The following AKAP13 variants were observed in gnomAD, a reference collection of about 807,000 sequenced individuals.
AKAP13 encodes the protein A-kinase anchoring protein 13.
A neutral mutation model predicts 264.5 loss-of-function variants in AKAP13; 80 were observed. The ratio of observed to expected loss-of-function variants is 0.30; its 90% CI spans 0.25 to 0.36. The LOEUF (loss-of-function observed/expected upper bound fraction) is 0.36. Among genes scored for constraint, AKAP13 ranks in the 10% least tolerant of loss-of-function variants. AKAP13 has a pLI of 1.00. For missense variants in AKAP13, 3,712 were observed against 3,435.2 expected, an observed-to-expected ratio of 1.08 and a Z score of -2.01; for synonymous variants, 1,380 against 1,250.2, an observed-to-expected ratio of 1.10 and a Z score of -2.19.
At chr15:85,733,478 T>C (rs1317198653) in intron 30 of AKAP13, among the ~76,000 whole-genome samples, 1 of 152,242 alleles carries the variant, frequency 6.6e-6, no homozygotes, top group Non-Finnish European at 1.5e-5. Context: ...CACAGTGTTC[T>C]GTTTTCATAT....
intron 10 of AKAP13, among the ~76,000 whole-genome samples, chr15:85,653,527 A>G (rs116368765): frequency 0.013 from 1,982 of 152,342 alleles, 45 homozygotes; most frequent in African/African-American, 0.045. Context: ...CCCAAAAGGT[A>G]GGAAGGGTGC....
chr15:85,720,890 G>T (rs1404358765), intron 23 of AKAP13, among the ~76,000 whole-genome samples: 1 of 152,204 alleles, frequency 6.6e-6, no homozygotes, highest in Non-Finnish European at 1.5e-5. Context: ...GAACTCCTAG[G>T]AGTAAAAGTA....
At chr15:85,710,260 C>G (rs867872919) in intron 18 of AKAP13, among the ~76,000 whole-genome samples, 1 of 152,196 alleles carries the variant, frequency 6.6e-6, no homozygotes, top group Middle Eastern at 3.4e-3. Context: ...CCAGTCACTG[C>G]CTTGGGTGAG....
In AKAP13 at chr15:85,641,473, TAAATAAATAAATA is replaced by T. The variant is rs1376786407; in HGVS notation, c.4237+2027_4237+2039del. On this transcript the variant is annotated intron_variant, in intron 9 of 36. Transcript: ENST00000394518. ...ATAAATAAATAAATAAATAAATAAA[TAAATAAATAAATA>T]AATAAATAAATAAATAAATAACGGA... Among the ~76,000 whole-genome samples the T allele has an allele frequency of 1.3e-4, 18 of 135,448 alleles. 1 individual carries two copies. The highest frequency in any genetic ancestry group is 4.4e-4 in the African/African-American group (16 of 36,424). 88.9% of individuals were successfully genotyped at this position (135,448 alleles called of 152,430 possible).
chr15:85,405,852 C>T (rs2071636560), intron 1 of AKAP13, among the ~76,000 whole-genome samples: 1 of 152,028 alleles, frequency 6.6e-6, no homozygotes, highest in Admixed American at 6.6e-5. Flanking sequence ...TCACCCCCCA[C>T]CCTCTTTTTT....
chr15:85,649,093 T>C (rs181887579), intron 10 of AKAP13, among the ~76,000 whole-genome samples: 5 of 152,328 alleles, frequency 3.3e-5, no homozygotes, highest in East Asian at 1.9e-4. Flanking sequence ...GAGACTAATA[T>C]TGACAGGATA....
chr15:85,473,802 C>G (rs570517046), intron 1 of AKAP13, among the ~76,000 whole-genome samples: 1 of 152,190 alleles, frequency 6.6e-6, no homozygotes, highest in East Asian at 1.9e-4. Context: ...AATAACCACT[C>G]GCCTGAGAGG....
At chr15:85,479,769 T>G (rs2075294075) in intron 1 of AKAP13, among the ~76,000 whole-genome samples, 1 of 152,164 alleles carries the variant, frequency 6.6e-6, no homozygotes, top group Non-Finnish European at 1.5e-5. Flanking sequence ...ACCCCCCTTT[T>G]TAGGGACATG....
rs1160050565 is a variant in AKAP13 at position 85,458,386 on chromosome 15, G to GTTTTTTTT, written c.-11-27318_-11-27317insTTTTTTTT. On this transcript the variant is annotated intron_variant, in intron 1 of 36. Coordinates refer to ENST00000394518, the MANE Select transcript of AKAP13 (RefSeq NM_007200.5). ...TTTTTTCTCTTTTTTTGTATTTTTTGTTTTTTGTTTTTTTTTTTTTTTACT... is the reference window on the plus strand; with the variant it reads ...TTTTTTCTCTTTTTTTGTATTTTTTGTTTTTTTTTTTTTTGTTTTTTTTTTTTTTTACT... 1.5e-4 allele frequency among the ~76,000 whole-genome samples: 16 copies of GTTTTTTTT among 103,890 alleles called. 1 individual carries two copies. Among genetic ancestry groups the GTTTTTTTT allele is most frequent in the African/African-American group, 6.6e-4 (13 of 19,558 alleles). The allele number at this position is 103,890 out of a possible 152,430, so 68.2% of individuals were successfully genotyped here.
intron 9 of AKAP13, among the ~76,000 whole-genome samples, chr15:85,644,929 A>G (rs553412853): frequency 2.0e-5 from 3 of 152,316 alleles, no homozygotes; most frequent in East Asian, 1.9e-4. Context: ...TTACAAAGTT[A>G]ATAGCCTGGG....
At chr15:85,685,118 C>A in intron 16 of AKAP13, 1 of 373,010 alleles carries the variant, frequency 2.7e-6, no homozygotes, top group Non-Finnish European at 4.8e-6. Context: ...CTTTCAACAA[C>A]CCTGTCAGGT....
intron 30 of AKAP13, among the ~76,000 whole-genome samples, chr15:85,732,434 A>G (rs1253605338): frequency 1.4e-5 from 2 of 140,854 alleles, no homozygotes; most frequent in Admixed American, 7.7e-5. Context: ...ACATATATAT[A>G]ACATTATATA....
intron 1 of AKAP13, among the ~76,000 whole-genome samples, chr15:85,442,310 T>C (rs1257115790): frequency 6.8e-6 from 1 of 147,482 alleles, no homozygotes; most frequent in Non-Finnish European, 1.5e-5. Context: ...CTCAGGAGGC[T>C]GAGGCAGGAG....
chr15:85,585,857 A>C (rs368041620), intron 8 of AKAP13, 34 bp downstream of exon 8: 268 of 1,609,882 alleles, frequency 1.7e-4, no homozygotes, highest in Non-Finnish European at 2.1e-4. Context: ...AAGGGCACAA[A>C]ATGTGTTTAT....
chr15:85,484,151 A>G (rs1410685949), intron 1 of AKAP13, among the ~76,000 whole-genome samples: 1 of 152,218 alleles, frequency 6.6e-6, no homozygotes, highest in Non-Finnish European at 1.5e-5. Context: ...TTAAAAGGCC[A>G]GTGAGCACAG....
At chr15:85,619,826 T>A in intron 8 of AKAP13, 1 of 786,432 alleles carries the variant, frequency 1.3e-6, no homozygotes, top group Non-Finnish European at 1.6e-6. Context: ...ATTTATTGTT[T>A]ATATTATGAG....
At chr15:85,715,596 G>T (rs918526783) in intron 19 of AKAP13, among the ~76,000 whole-genome samples, 192 bp from the exon 20 acceptor site, 4 of 151,120 alleles carry the variant, frequency 2.6e-5, no homozygotes, top group African/African-American at 9.7e-5. Context: ...TGTCAGATGG[G>T]TCAGTACCAG....
In AKAP13 at chr15:85,575,266, A is replaced by G. The variant is rs1415799676; in HGVS notation, c.798A>G (p.Pro266=). ...AGTCTGATTCACATCATGAACACCC[A>G]TTTCCTGGAGACGGTTGCACTGGAC... ...TSESDSHHEH[P]FPGDGCTGPI... Residue 266 remains proline (P), a synonymous_variant, in exon 6 of 37, where the codon CCA becomes CCG. Coordinates refer to ENST00000394518, the MANE Select transcript of AKAP13 (RefSeq NM_007200.5). The G allele has an allele frequency of 3.7e-6, 6 of 1,614,036 alleles. No homozygotes were observed. The highest frequency in any genetic ancestry group is 2.7e-5 in the African/African-American group (2 of 74,906).
intron 36 of AKAP13, chr15:85,744,071 C>T (rs940188811): frequency 4.3e-5 from 22 of 505,962 alleles, no homozygotes; most frequent in East Asian, 1.3e-4. Context: ...ATTATCCGAT[C>T]GAGGAACTGG....
Sources: allele counts gnomAD v4.1 joint callset (sites outside exome capture counted in the v4.1 genomes callset), GRCh38; gene constraint gnomAD v4.1.1; transcripts MANE v1.5; gene names NCBI Gene and HGNC (gene_info 2026-07-23, HGNC 2026-07-21).